Variants in FDFT1 observed in about 807,000 individuals in gnomAD.
FDFT1 encodes squalene synthase.
FDFT1 carries 68 observed loss-of-function variants against 46.8 expected under a neutral mutation model. The observed-to-expected ratio is 1.45, with a 90% CI of 1.19 to 1.78. The LOEUF is 1.78. FDFT1 is among the 40% of genes most tolerant of loss of function. The probability of loss-of-function intolerance (pLI) is 0.00; values close to 1 mark genes in which losing one functional copy is unlikely to be tolerated. For missense variants in FDFT1, 928 were observed against 524.4 expected (o/e 1.77, Z -7.52); for synonymous variants, 351 against 185.1 (o/e 1.90, Z -7.28).
intron 4 of FDFT1, 55 bp downstream of exon 4, chr8:11,821,933 C>A: frequency 1.3e-6 from 2 of 1,585,758 alleles, no homozygotes; most frequent in Non-Finnish European, 1.7e-6. Context: ...GCTGGCAGTC[C>A]TCATAGTGAA....
At chr8:11,821,197 A>C (rs1809189377) in intron 3 of FDFT1, among the ~76,000 whole-genome samples, 1 of 152,246 alleles carries the variant, frequency 6.6e-6, no homozygotes, top group Admixed American at 6.5e-5. Flanking sequence ...TATACATTGG[A>C]AAGATGAAAT....
At chr8:11,830,949 A>G (rs920194154) in intron 6 of FDFT1, among the ~76,000 whole-genome samples, 5 of 152,204 alleles carry the variant, frequency 3.3e-5, no homozygotes, top group African/African-American at 1.2e-4. Context: ...TGATTTGGGA[A>G]CTTGGTTTGA....
At chr8:11,799,234 G>C (rs55658394), upstream of FDFT1, among the ~76,000 whole-genome samples, 1 of 152,174 alleles carries the variant, frequency 6.6e-6, no homozygotes, top group African/African-American at 2.4e-5. Flanking sequence ...CACGGTCGGC[G>C]GTCTTATCAG....
At chr8:11,803,777 G>C (rs557515057) in intron 1 of FDFT1, 1 of 178,118 alleles carries the variant, frequency 5.6e-6, no homozygotes, top group Non-Finnish European at 1.2e-5. Context: ...CTTTCTTTCA[G>C]TGTCCATGTG....
intron 3 of FDFT1, among the ~76,000 whole-genome samples, chr8:11,818,423 C>A (rs974596732): frequency 6.6e-6 from 1 of 152,046 alleles, no homozygotes; most frequent in Non-Finnish European, 1.5e-5. Flanking sequence ...CCTTGTTAAC[C>A]TTTTGTCTTG....
chr8:11,817,674 C>T (rs1052002311), intron 3 of FDFT1, among the ~76,000 whole-genome samples: 5 of 152,214 alleles, frequency 3.3e-5, no homozygotes, highest in African/African-American at 7.2e-5. Context: ...TAGTATTCTC[C>T]AGTGGTAGTT....
At chr8:11,818,326 A>C (rs1808743449) in intron 3 of FDFT1, among the ~76,000 whole-genome samples, 1 of 152,222 alleles carries the variant, frequency 6.6e-6, no homozygotes, top group Non-Finnish European at 1.5e-5. Flanking sequence ...GCTGAGAAGA[A>C]TGTATATTCT....
intron 6 of FDFT1, among the ~76,000 whole-genome samples, chr8:11,830,797 C>T (rs934029642): frequency 6.6e-6 from 1 of 152,200 alleles, no homozygotes; most frequent in Non-Finnish European, 1.5e-5. Context: ...TTACTGCTGT[C>T]CTTTTCCTAG....
chr8:11,824,661 T>C (rs116164173), intron 4 of FDFT1, among the ~76,000 whole-genome samples: 238 of 152,286 alleles, frequency 1.6e-3, no homozygotes, highest in African/African-American at 5.4e-3. Context: ...CTCAGTTTCC[T>C]CATCTGAAAT....
chr8:11,835,614 A>C (rs1335629195), intron 7 of FDFT1, among the ~76,000 whole-genome samples: 1 of 152,174 alleles, frequency 6.6e-6, no homozygotes, highest in African/African-American at 2.4e-5. Flanking sequence ...TTGATTCCAA[A>C]TAAGTAAATC....
intron 4 of FDFT1, among the ~76,000 whole-genome samples, chr8:11,823,398 A>C (rs553911392): frequency 3.0e-4 from 46 of 152,260 alleles, no homozygotes; most frequent in Middle Eastern, 6.8e-3. Flanking sequence ...TTAAATTTCT[A>C]GTAATTCTTT....
chr8:11,808,930 C>A (rs1807306224), intron 2 of FDFT1, 39 bp downstream of exon 2: 2 of 1,600,570 alleles, frequency 1.2e-6, no homozygotes, highest in South Asian at 1.1e-5. Flanking sequence ...TGGAGGAAAG[C>A]TTGTCCGGGA....
At chr8:11,799,149 C>G (rs556008004), upstream of FDFT1, among the ~76,000 whole-genome samples, 1 of 152,322 alleles carries the variant, frequency 6.6e-6, no homozygotes, top group Non-Finnish European at 1.5e-5. Flanking sequence ...CAATTACACC[C>G]TATAGGTCAA....
Position 11,830,546 on chromosome 8 carries a change from C to G in FDFT1, c.879+126C>G, listed in dbSNP as rs75019066. On this transcript the variant is annotated intron_variant, in intron 6 of 7. Transcript: ENST00000220584. ...AAAAGACGATGACTCCAGTTTATTA[C>G]GCTGGGAGTTTCATAGCACCCGCCT... 3,857 of 691,728 alleles carry G rather than the reference C, an allele frequency of 5.6e-3. 120 individuals are homozygous for G. Among genetic ancestry groups the G allele is most frequent in the Admixed American group, 0.055 (1,983 of 36,092 alleles). The allele number at this position is 691,728 out of a possible 1,614,324, so 42.8% of individuals were successfully genotyped here.
intron 1 of FDFT1, among the ~76,000 whole-genome samples, chr8:11,805,374 C>T (rs1458842875): frequency 1.3e-5 from 2 of 152,176 alleles, no homozygotes; most frequent in Non-Finnish European, 2.9e-5. Flanking sequence ...CGGGCATATG[C>T]CGCCTGCAAG....
intron 3 of FDFT1, among the ~76,000 whole-genome samples, chr8:11,816,127 C>G (rs1410069165): frequency 6.6e-6 from 1 of 152,196 alleles, no homozygotes; most frequent in South Asian, 2.1e-4. Context: ...AATAGGGAAT[C>G]CTTTCTCCAT....
intron 3 of FDFT1, among the ~76,000 whole-genome samples, chr8:11,812,909 C>G (rs1439505258): frequency 6.6e-6 from 1 of 152,158 alleles, no homozygotes; most frequent in African/African-American, 2.4e-5. Context: ...TAATGAATGG[C>G]CACAGGATAC....
chr8:11,827,484 C>G (rs945589029), intron 5 of FDFT1, among the ~76,000 whole-genome samples: 1 of 151,488 alleles, frequency 6.6e-6, no homozygotes, highest in African/African-American at 2.4e-5. Context: ...CACCACTGCA[C>G]TCCAGCCTCG....
At chr8:11,817,846 G>T (rs1041346752) in intron 3 of FDFT1, among the ~76,000 whole-genome samples, 6 of 147,326 alleles carry the variant, frequency 4.1e-5, no homozygotes, top group Admixed American at 1.3e-4. Flanking sequence ...AGGGTTTTTT[G>T]TGTGTCTATC....
Sources: gnomAD v4.1 joint callset for allele counts (sites outside exome capture counted in the v4.1 genomes callset) on GRCh38, gnomAD v4.1.1 for gene constraint, MANE v1.5 for transcripts, NCBI Gene and HGNC (gene_info 2026-07-23, HGNC 2026-07-21) for gene names.